Variants in PTPRD observed in about 807,000 individuals in gnomAD.
PTPRD encodes the protein protein tyrosine phosphatase receptor type D.
PTPRD carries 34 observed loss-of-function variants against 214.5 expected under a neutral mutation model. The observed-to-expected ratio is 0.16, with a 90% CI of 0.12 to 0.21. PTPRD has a LOEUF of 0.21. PTPRD is among the 10% of genes least tolerant of loss of function. The pLI, the probability that PTPRD is intolerant of heterozygous loss-of-function variation, is 1.00. For synonymous variants in PTPRD, 1,128 were observed against 845.7 expected (o/e 1.33, Z -5.79); for missense variants, 2,545 against 2,398.7 (o/e 1.06, Z -1.27).
At chr9:9,469,971 T>C (rs2094479246) in intron 8 of PTPRD, among the ~76,000 whole-genome samples, 1 of 152,212 alleles carries the variant, frequency 6.6e-6, no homozygotes, top group Non-Finnish European at 1.5e-5. Flanking sequence ...TTGCTTTGCC[T>C]GATTGTTACT....
intron 2 of PTPRD, among the ~76,000 whole-genome samples, chr9:10,445,645 G>C (rs2098793501): frequency 6.6e-6 from 1 of 152,114 alleles, no homozygotes; most frequent in Non-Finnish European, 1.5e-5. Flanking sequence ...CATTAAGATA[G>C]AGTGAGTCAG....
chr9:9,002,220 T>G (rs769884008), intron 11 of PTPRD, among the ~76,000 whole-genome samples: 4 of 151,880 alleles, frequency 2.6e-5, no homozygotes, highest in Non-Finnish European at 5.9e-5. Flanking sequence ...AACAAAATAT[T>G]CAATATAAAA....
intron 10 of PTPRD, among the ~76,000 whole-genome samples, chr9:9,022,833 T>G (rs530942407): frequency 6.0e-4 from 92 of 152,256 alleles, no homozygotes; most frequent in African/African-American, 2.1e-3. Context: ...AATGGTTGCT[T>G]TTACATATTC....
At chr9:8,515,408 T>C (rs1305215945) in intron 21 of PTPRD, among the ~76,000 whole-genome samples, 1 of 152,208 alleles carries the variant, frequency 6.6e-6, no homozygotes, top group African/African-American at 2.4e-5. Context: ...CCCTCCATTA[T>C]CTAATCTATA....
chr9:8,908,629 T>C (rs1337395997), intron 11 of PTPRD, among the ~76,000 whole-genome samples: 1 of 151,980 alleles, frequency 6.6e-6, no homozygotes, highest in African/African-American at 2.4e-5. Flanking sequence ...TAAACATCTA[T>C]ATTAGAAAAG....
chr9:8,975,965 C>A (rs900374225), intron 11 of PTPRD, among the ~76,000 whole-genome samples: 23 of 151,914 alleles, frequency 1.5e-4, no homozygotes, highest in Non-Finnish European at 2.9e-4. Flanking sequence ...TTTAAGTAAT[C>A]CCTCATAGTT....
chr9:10,210,228 T>G (rs1383606901), intron 3 of PTPRD, among the ~76,000 whole-genome samples: 1 of 152,148 alleles, frequency 6.6e-6, no homozygotes, highest in East Asian at 1.9e-4. Flanking sequence ...ACCAATTACA[T>G]TTAAGAGAGT....
At chr9:8,613,467 A>T (rs1453500437) in intron 14 of PTPRD, among the ~76,000 whole-genome samples, 2 of 152,134 alleles carry the variant, frequency 1.3e-5, no homozygotes, top group African/African-American at 2.4e-5. Context: ...TATTTTTTTT[A>T]AAACTAAAAA....
chr9:9,044,400 C>T (rs1461147548), intron 10 of PTPRD, among the ~76,000 whole-genome samples: 1 of 152,212 alleles, frequency 6.6e-6, no homozygotes. Flanking sequence ...AAACATGCTG[C>T]TTGGGCAGGT....
intron 14 of PTPRD, among the ~76,000 whole-genome samples, chr9:8,548,644 AG>A (rs2081034448): frequency 7.5e-6 from 1 of 134,068 alleles, no homozygotes; most frequent in African/African-American, 2.7e-5. Context: ...CTGGGATTAG[AG>A]GTGTAAGCCA....
rs950672448 is a variant in PTPRD, at chr9:8,433,988, CTTGT to C, written c.4086+2600_4086+2603del. Among the ~76,000 whole-genome samples the C allele has an allele frequency of 6.2e-3, 814 of 130,906 alleles. 10 individuals carry two copies. Among genetic ancestry groups the C allele is most frequent in the African/African-American group, 0.027 (762 of 28,134 alleles). 85.9% of individuals were successfully genotyped at this position (130,906 alleles called of 152,430 possible). ...CATAGGGGCACCATTTGTTTGTTTG[CTTGT>C]TTGTTTGTTTGTTTGTTTCACTCTT... On this transcript the variant is annotated intron_variant, in intron 35 of 45. Transcript: ENST00000381196.
intron 33 of PTPRD, among the ~76,000 whole-genome samples, chr9:8,455,355 T>C (rs1162881100): frequency 6.6e-6 from 1 of 152,214 alleles, no homozygotes; most frequent in African/African-American, 2.4e-5. Flanking sequence ...TGAACACAAC[T>C]AGTTCATGCT....
chr9:8,344,500 C>A (rs1207711816), intron 39 of PTPRD, among the ~76,000 whole-genome samples: 1 of 151,624 alleles, frequency 6.6e-6, no homozygotes, highest in Non-Finnish European at 1.5e-5. Flanking sequence ...ACGTGTGAGT[C>A]CAAATCATGA....
intron 10 of PTPRD, among the ~76,000 whole-genome samples, chr9:9,153,381 G>A (rs1207698834): frequency 6.6e-6 from 1 of 152,144 alleles, no homozygotes; most frequent in Non-Finnish European, 1.5e-5. Flanking sequence ...GTGTGCCTGA[G>A]TATATGTGTG....
chr9:8,544,164 CTTTTTTTTTTTTT>C (rs373194856), intron 14 of PTPRD, among the ~76,000 whole-genome samples: 1 of 111,146 alleles, frequency 9.0e-6, no homozygotes, highest in African/African-American at 3.6e-5. Context: ...TTTGCCATTA[CTTTTTTTTTTTTT>C]TTTTTTTTGA....
chr9:8,661,193 T>C (rs1225064235), intron 12 of PTPRD, among the ~76,000 whole-genome samples: 3 of 152,112 alleles, frequency 2.0e-5, no homozygotes, highest in Non-Finnish European at 2.9e-5. Flanking sequence ...AAGATCTACC[T>C]GGCCTGAGGA....
chr9:10,581,001 T>C (rs1330647041), intron 2 of PTPRD, among the ~76,000 whole-genome samples: 2 of 152,182 alleles, frequency 1.3e-5, no homozygotes, highest in African/African-American at 4.8e-5. Flanking sequence ...GGAGCCTATA[T>C]TGCAAACCTG....
chr9:9,429,002 G>A (rs2082066305), intron 8 of PTPRD, among the ~76,000 whole-genome samples: 1 of 152,128 alleles, frequency 6.6e-6, no homozygotes, highest in Admixed American at 6.5e-5. Context: ...AACTAGAGAA[G>A]CAAGAGCAAA....
chr9:10,212,547 A>G (rs1168151468), intron 3 of PTPRD, among the ~76,000 whole-genome samples: 1 of 152,134 alleles, frequency 6.6e-6, no homozygotes, highest in African/African-American at 2.4e-5. Flanking sequence ...AATAAGAATG[A>G]CATCCTATAG....
Sources: gnomAD v4.1 joint callset for allele counts (sites outside exome capture counted in the v4.1 genomes callset) on GRCh38, gnomAD v4.1.1 for gene constraint, MANE v1.5 for transcripts, NCBI Gene and HGNC (gene_info 2026-07-23, HGNC 2026-07-21) for gene names.